Variants in HERC4 observed in about 807,000 individuals in gnomAD.
HERC4 encodes probable E3 ubiquitin-protein ligase HERC4.
HERC4 carries 28 observed loss-of-function variants against 124.3 expected under a neutral mutation model. The observed-to-expected ratio is 0.23, with a 90% CI of 0.17 to 0.31. The LOEUF (loss-of-function observed/expected upper bound fraction) is 0.31. Among genes scored for constraint, HERC4 ranks in the 10% least tolerant of loss-of-function variants. HERC4 has a pLI of 1.00. For synonymous variants in HERC4, 407 were observed against 421.5 expected, an observed-to-expected ratio of 0.97 and a Z score of 0.42; for missense variants, 713 against 1,229.3, an observed-to-expected ratio of 0.58 and a Z score of 6.28.
chr10:68,059,576 CATATT>C (rs1486747644), intron 3 of HERC4, among the ~76,000 whole-genome samples: 4 of 65,834 alleles, frequency 6.1e-5, no homozygotes, highest in Non-Finnish European at 9.4e-5. Flanking sequence ...TATTATATAT[CATATT>C]ATATATCATA....
At position 67,992,280 on chromosome 10, in the gene HERC4, T is replaced by C. The variant is rs1159281214; in HGVS notation, c.1190A>G (p.Lys397Arg). 6.2e-7 allele frequency: 1 copy of C among 1,614,046 alleles called. No individual in the cohort carries two copies. Among genetic ancestry groups the C allele is most frequent in the Non-Finnish European group, 8.5e-7 (1 of 1,179,896 alleles). Reference sequence around the variant, plus strand: ...AGCTTCATTCACTGTCCAGATCTGCTTTGTCGGATTGGGACATCTGAAGTC... The same window carrying C: ...AGCTTCATTCACTGTCCAGATCTGCCTTGTCGGATTGGGACATCTGAAGTC... The part of the protein sequence containing the change: ...PDDFRCPNPT[K>R]QIWTVNEALI... Residue 397 changes from lysine to arginine, a missense_variant, in exon 11 of 25, where the codon AAG becomes AGG. Lys to Arg is a conservative substitution (Grantham distance 26). Coordinates refer to ENST00000373700, the MANE Select transcript of HERC4 (RefSeq NM_015601.4).
chr10:67,960,481 G>A (rs2034440162), intron 16 of HERC4, among the ~76,000 whole-genome samples: 1 of 152,112 alleles, frequency 6.6e-6, no homozygotes, highest in Non-Finnish European at 1.5e-5. Flanking sequence ...TGCCTCCTGG[G>A]TTCAAGCGAT....
chr10:67,924,986 G>T (rs896856815), intron 24 of HERC4, 99 bp downstream of exon 24: 5 of 670,192 alleles, frequency 7.5e-6, no homozygotes, highest in Non-Finnish European at 1.3e-5. Flanking sequence ...AGATAGTTCT[G>T]TTTCAAAAAA....
intron 8 of HERC4, among the ~76,000 whole-genome samples, chr10:68,023,296 T>G (rs987808922): frequency 5.3e-5 from 8 of 152,134 alleles, no homozygotes; most frequent in Admixed American, 5.2e-4. Context: ...AACCCAAGTG[T>G]CCATCAAAAG....
intron 15 of HERC4, among the ~76,000 whole-genome samples, chr10:67,985,067 T>C (rs1261446566): frequency 6.6e-6 from 1 of 152,200 alleles, no homozygotes; most frequent in Non-Finnish European, 1.5e-5. Flanking sequence ...ATAAAAATAA[T>C]ATATTCGCAT....
intron 1 of HERC4, chr10:68,074,166 A>T (rs1359070671): frequency 6.6e-6 from 1 of 152,246 alleles, no homozygotes; most frequent in Non-Finnish European, 1.5e-5. Flanking sequence ...TTGTAAAGAA[A>T]GACACAAATA....
At chr10:67,955,608 C>G (rs573551170) in intron 17 of HERC4, 1 of 152,536 alleles carries the variant, frequency 6.6e-6, no homozygotes, top group Admixed American at 6.6e-5. Context: ...CCTGTCTCTA[C>G]TAAAAATGCA....
At chr10:68,045,287 C>T (rs1355668284) in intron 3 of HERC4, among the ~76,000 whole-genome samples, 1 of 152,172 alleles carries the variant, frequency 6.6e-6, no homozygotes, top group Non-Finnish European at 1.5e-5. Flanking sequence ...CATGCCACTG[C>T]ACTCCAGCCA....
chr10:68,037,079 A>T (rs2039513574), intron 5 of HERC4, among the ~76,000 whole-genome samples: 1 of 147,624 alleles, frequency 6.8e-6, no homozygotes, highest in Non-Finnish European at 1.5e-5. Flanking sequence ...GAGCAAATGG[A>T]ACCTATTTCT....
chr10:68,018,977 A>G (rs1406470686), intron 8 of HERC4, among the ~76,000 whole-genome samples: 1 of 143,660 alleles, frequency 7.0e-6, no homozygotes, highest in South Asian at 2.2e-4. Flanking sequence ...GGTCATCATC[A>G]GCCAAAGCAT....
In HERC4 at chr10:67,992,642, C is replaced by T. The variant is rs1331561496; in HGVS notation, c.1110G>A (p.Gly370=). The T allele has an allele frequency of 1.3e-6, 2 of 1,554,358 alleles. No homozygotes were observed. Among genetic ancestry groups the T allele is most frequent in the Admixed American group, 1.8e-5 (1 of 56,816 alleles). Residue 370 remains glycine (G), a synonymous_variant, in exon 10 of 25, where the codon GGG becomes GGA. Coordinates refer to ENST00000373700, the MANE Select transcript of HERC4 (RefSeq NM_015601.4). ...AGTAATGTGAAAAGCTTTGATCTCC[C>T]CCTGAGAAAATTCTTTTTACACAGA... The part of the protein sequence containing the change: ...EYFCVKRIFS[G]GDQSFSHYSS...
chr10:68,036,764 TA>T lies in HERC4; in HGVS notation c.463+1328del, dbSNP rs557349265. On this transcript the variant is annotated intron_variant, in intron 5 of 24. Transcript: ENST00000373700. Reference sequence around the variant, plus strand: ...TTCTCAACATTTCTCCAATTATTAATAAAAAAATTAATCTTTAATAAATCTT... The same window carrying T: ...TTCTCAACATTTCTCCAATTATTAATAAAAAATTAATCTTTAATAAATCTT... Among the ~76,000 whole-genome samples, 15 of 152,264 alleles carry T rather than the reference TA, an allele frequency of 9.9e-5. No homozygotes were observed. The South Asian group carries it at 2.7e-3, about 27-fold the overall frequency.
At chr10:67,996,107 A>C in intron 9 of HERC4, 1 of 444,360 alleles carries the variant, frequency 2.3e-6, no homozygotes, top group Non-Finnish European at 4.5e-6. Context: ...GGAGTTCAAG[A>C]CCAGCCTGGA....
chr10:68,054,350 A>G (rs1036802289), intron 3 of HERC4, among the ~76,000 whole-genome samples: 2 of 132,674 alleles, frequency 1.5e-5, no homozygotes, highest in African/African-American at 2.8e-5. Flanking sequence ...GTATTTAATG[A>G]TTTTTTTTTT....
intron 16 of HERC4, among the ~76,000 whole-genome samples, chr10:67,958,034 C>T (rs2034261102): frequency 1.3e-5 from 2 of 152,100 alleles, no homozygotes; most frequent in Non-Finnish European, 2.9e-5. Flanking sequence ...GTCTTGAACT[C>T]CTGACCTCAT....
intron 7 of HERC4, among the ~76,000 whole-genome samples, chr10:68,027,820 G>A (rs569009102): frequency 1.9e-3 from 287 of 152,038 alleles, no homozygotes; most frequent in Non-Finnish European, 3.2e-3. Flanking sequence ...CTACTCGGGA[G>A]GCTGAGGCAG....
chr10:68,059,811 A>AATATTATATATCATATTATATATT (rs1564609562), intron 3 of HERC4, among the ~76,000 whole-genome samples: 4 of 72,508 alleles, frequency 5.5e-5, no homozygotes, highest in African/African-American at 4.7e-4. Flanking sequence ...TATATATTAT[A>AATATTATATATCATATTATATATT]ATATTATATA....
intron 4 of HERC4, chr10:68,040,103 T>C (rs1160507722): frequency 2.1e-6 from 2 of 945,888 alleles, no homozygotes; most frequent in South Asian, 4.9e-5. Flanking sequence ...GAATATACTG[T>C]TAAAGGATAA....
chr10:67,971,460 C>T (rs2035229443), intron 15 of HERC4, among the ~76,000 whole-genome samples: 1 of 151,856 alleles, frequency 6.6e-6, no homozygotes, highest in Non-Finnish European at 1.5e-5. Flanking sequence ...AAGTTCATCT[C>T]AAGAATGCAA....
Sources: allele counts gnomAD v4.1 joint callset (sites outside exome capture counted in the v4.1 genomes callset), GRCh38; gene constraint gnomAD v4.1.1; transcripts MANE v1.5; gene names NCBI Gene and HGNC (gene_info 2026-07-23, HGNC 2026-07-21).